STX8: variants seen among roughly 807,000 people sequenced by gnomAD.
STX8 encodes the protein syntaxin 8.
A neutral mutation model predicts 37.5 loss-of-function variants in STX8; 23 were observed. The ratio of observed to expected loss-of-function variants is 0.61; its 90% CI spans 0.44 to 0.87. The LOEUF is 0.87. Ranked by LOEUF, STX8 falls within the 40% of genes least tolerant of loss-of-function variation. The pLI, the probability that STX8 is intolerant of heterozygous loss-of-function variation, is 0.00. For synonymous variants in STX8, 115 were observed against 99.1 expected (o/e 1.16, Z -0.95); for missense variants, 313 against 284.7 (o/e 1.10, Z -0.71).
intron 7 of STX8, among the ~76,000 whole-genome samples, chr17:9,306,304 G>C (rs1356846454): frequency 6.6e-6 from 1 of 152,104 alleles, no homozygotes; most frequent in Non-Finnish European, 1.5e-5. Context: ...ACACACCCCT[G>C]TTGTTAAGCG....
chr17:9,436,487 G>A (rs767382268), intron 6 of STX8, among the ~76,000 whole-genome samples: 1 of 152,164 alleles, frequency 6.6e-6, no homozygotes, highest in Non-Finnish European at 1.5e-5. Flanking sequence ...CATCTAAAAT[G>A]ATTCTGATTT....
At chr17:9,319,905 T>G (rs58160739) in intron 7 of STX8, among the ~76,000 whole-genome samples, 16,282 of 151,734 alleles carry the variant, frequency 0.11, 2,855 homozygotes, top group African/African-American at 0.37. Context: ...AGCTGAGATC[T>G]TGCCATTGCA....
At chr17:9,414,052 G>GTCCA (rs1913075541) in intron 6 of STX8, among the ~76,000 whole-genome samples, 1 of 116,266 alleles carries the variant, frequency 8.6e-6, no homozygotes, top group Non-Finnish European at 1.9e-5. Context: ...CTGCCCGTCC[G>GTCCA]TCTGTCCATC....
chr17:9,550,029 C>A (rs567327883), intron 3 of STX8, among the ~76,000 whole-genome samples: 4 of 152,176 alleles, frequency 2.6e-5, no homozygotes, highest in Admixed American at 1.3e-4. Flanking sequence ...CGAGACCAGC[C>A]TGGACAACAC....
chr17:9,567,935 C>G (rs1306167244), intron 2 of STX8, among the ~76,000 whole-genome samples: 1 of 152,338 alleles, frequency 6.6e-6, no homozygotes, highest in Admixed American at 6.5e-5. Context: ...ATCTGCCCGC[C>G]TCAGCCTCCC....
At position 9,356,499 on chromosome 17, in the gene STX8, G is replaced by T. The variant is rs562634687; in HGVS notation, c.643+22053C>A. Among the ~76,000 whole-genome samples, 8 of 152,240 alleles carry T rather than the reference G, an allele frequency of 5.3e-5. No individual in the cohort carries two copies. The South Asian group carries it at 1.7e-3, about 32-fold the overall frequency. ...CCTGGTGTCTGCCAGCTCCACACCT[G>T]CCCTTCTCTGCTCAGTCATGCTGGG... On this transcript the variant is annotated intron_variant, in intron 7 of 7. Coordinates refer to ENST00000306357, the MANE Select transcript of STX8 (RefSeq NM_004853.3).
intron 7 of STX8, among the ~76,000 whole-genome samples, chr17:9,360,582 A>G (rs189300708): frequency 6.9e-4 from 105 of 151,682 alleles, no homozygotes; most frequent in African/African-American, 2.4e-3. Context: ...CCTTCCAGAT[A>G]AGTTATACCA....
chr17:9,359,133 C>T (rs1910977533), intron 7 of STX8, among the ~76,000 whole-genome samples: 1 of 151,718 alleles, frequency 6.6e-6, no homozygotes, highest in South Asian at 2.1e-4. Flanking sequence ...ACCTCCATCT[C>T]CCGGGTTCAA....
rs757411419 is a variant in STX8, at chr17:9,471,031, C to CTTTTTTTTTTTTTTTTTTTTTTTT, written c.541+20797_541+20798insAAAAAAAAAAAAAAAAAAAAAAAA. The stretch of plus-strand genomic sequence containing the variant: ...TACAGGCGTGAGCCACTGCATCCTG[C>CTTTTTTTTTTTTTTTTTTTTTTTT]TTTTTTTTTTTTTTTTTTTTTTTGA... On this transcript the variant is annotated intron_variant, in intron 6 of 7. Transcript: ENST00000306357. Among the ~76,000 whole-genome samples the CTTTTTTTTTTTTTTTTTTTTTTTT allele has an allele frequency of 1.7e-3, 55 of 33,054 alleles. 11 individuals are homozygous for CTTTTTTTTTTTTTTTTTTTTTTTT. Among genetic ancestry groups the CTTTTTTTTTTTTTTTTTTTTTTTT allele is most frequent in the Admixed American group, 2.8e-3 (6 of 2,110 alleles). The allele number at this position is 33,054 out of a possible 152,430, so 21.7% of individuals were successfully genotyped here.
intron 7 of STX8, among the ~76,000 whole-genome samples, chr17:9,310,694 T>C (rs1021872522): frequency 9.2e-5 from 14 of 152,080 alleles, no homozygotes; most frequent in African/African-American, 3.4e-4. Flanking sequence ...TCATTTGATT[T>C]ATAGTAAGGC....
intron 4 of STX8, among the ~76,000 whole-genome samples, chr17:9,533,354 G>A (rs868185124): frequency 6.6e-6 from 1 of 152,166 alleles, no homozygotes; most frequent in African/African-American, 2.4e-5. Flanking sequence ...TGTAGTCCCA[G>A]CTACTTGGGA....
At chr17:9,432,611 A>C (rs1434186450) in intron 6 of STX8, among the ~76,000 whole-genome samples, 1 of 152,194 alleles carries the variant, frequency 6.6e-6, no homozygotes, top group Non-Finnish European at 1.5e-5. Flanking sequence ...TGTTTTGGGA[A>C]CTTTCACCTT....
intron 1 of STX8, among the ~76,000 whole-genome samples, 187 bp downstream of exon 1, chr17:9,575,604 CG>C (rs1210568338): frequency 2.0e-5 from 3 of 152,184 alleles, no homozygotes; most frequent in Non-Finnish European, 4.4e-5. Context: ...GTCTCCTTCC[CG>C]GGCCACCCTT....
chr17:9,325,410 C>G (rs1378712039), intron 7 of STX8, among the ~76,000 whole-genome samples: 1 of 152,110 alleles, frequency 6.6e-6, no homozygotes, highest in Non-Finnish European at 1.5e-5. Context: ...AGGAAATCCC[C>G]AAGACCCATC....
intron 6 of STX8, among the ~76,000 whole-genome samples, chr17:9,388,101 C>T (rs1320425700): frequency 2.3e-5 from 3 of 132,600 alleles, no homozygotes; most frequent in Non-Finnish European, 3.2e-5. Flanking sequence ...GACATTACTT[C>T]GCTCTTGTTG....
intron 7 of STX8, among the ~76,000 whole-genome samples, chr17:9,309,329 C>T (rs1328169943): frequency 6.6e-6 from 1 of 152,180 alleles, no homozygotes; most frequent in African/African-American, 2.4e-5. Context: ...AACCTGCCAG[C>T]TAACATGGGA....
At chr17:9,549,122 A>G (rs1318892407) in intron 3 of STX8, among the ~76,000 whole-genome samples, 3 of 152,218 alleles carry the variant, frequency 2.0e-5, no homozygotes, top group Non-Finnish European at 2.9e-5. Flanking sequence ...ACTTAACTAT[A>G]AAGAATGAGA....
At chr17:9,467,515 C>T (rs539738201) in intron 6 of STX8, 1 of 152,304 alleles carries the variant, frequency 6.6e-6, no homozygotes, top group Admixed American at 6.5e-5. Context: ...TCTCTCTTCC[C>T]CTTAAGGAGT....
At chr17:9,481,048 C>T (rs1906317802) in intron 6 of STX8, among the ~76,000 whole-genome samples, 1 of 152,114 alleles carries the variant, frequency 6.6e-6, no homozygotes, top group Non-Finnish European at 1.5e-5. Flanking sequence ...CCACACCTGG[C>T]TAATTTTTTG....
Sources: gnomAD v4.1 joint callset for allele counts (sites outside exome capture counted in the v4.1 genomes callset) on GRCh38, gnomAD v4.1.1 for gene constraint, MANE v1.5 for transcripts, NCBI Gene and HGNC (gene_info 2026-07-23, HGNC 2026-07-21) for gene names.